Variants in PDGFC observed in about 807,000 individuals in gnomAD.
PDGFC encodes the protein platelet-derived growth factor C.
Under a neutral mutation model 35.5 loss-of-function variants are expected in PDGFC, and 12 were observed. The ratio of observed to expected loss-of-function variants is 0.34; its 90% CI spans 0.22 to 0.55. PDGFC has a LOEUF of 0.55. Among genes scored for constraint, PDGFC ranks in the 20% least tolerant of loss-of-function variants. The pLI is 0.91. For synonymous variants in PDGFC, 159 were observed against 148.8 expected, an observed-to-expected ratio of 1.07 and a Z score of -0.50; for missense variants, 322 against 412.4, an observed-to-expected ratio of 0.78 and a Z score of 1.90.
chr4:156,826,359 C>T (rs529709073), intron 2 of PDGFC, among the ~76,000 whole-genome samples: 3 of 151,550 alleles, frequency 2.0e-5, no homozygotes, highest in East Asian at 3.9e-4. Context: ...CCTGCCACCT[C>T]GCCCAACTAA....
At chr4:156,914,168 T>C (rs1268394217) in intron 1 of PDGFC, among the ~76,000 whole-genome samples, 1 of 152,156 alleles carries the variant, frequency 6.6e-6, no homozygotes, top group African/African-American at 2.4e-5. Context: ...CCTAAGTGAA[T>C]ACTCCAGGAA....
intron 3 of PDGFC, among the ~76,000 whole-genome samples, chr4:156,775,588 T>C (rs1243201084): frequency 6.6e-6 from 1 of 152,178 alleles, no homozygotes; most frequent in Non-Finnish European, 1.5e-5. Flanking sequence ...TTTGAAGCAA[T>C]ACAAAGTTCT....
At chr4:156,871,638 G>A (rs549685649) in intron 1 of PDGFC, among the ~76,000 whole-genome samples, 19 of 151,822 alleles carry the variant, frequency 1.3e-4, no homozygotes, top group East Asian at 9.6e-4. Context: ...CAAATTAGTC[G>A]AGACACACCT....
At chr4:156,869,305 G>A (rs1008411046) in intron 1 of PDGFC, among the ~76,000 whole-genome samples, 5 of 151,766 alleles carry the variant, frequency 3.3e-5, no homozygotes, top group African/African-American at 7.3e-5. Context: ...GCATGGTGGC[G>A]GGTGCCTGTA....
At chr4:156,785,912 C>T (rs1290722741) in intron 3 of PDGFC, among the ~76,000 whole-genome samples, 3 of 152,114 alleles carry the variant, frequency 2.0e-5, no homozygotes, top group Non-Finnish European at 4.4e-5. Context: ...ACATTCTTTT[C>T]TTTGCCTTGT....
At chr4:156,903,533 G>A (rs1018578339) in intron 1 of PDGFC, among the ~76,000 whole-genome samples, 3 of 151,898 alleles carry the variant, frequency 2.0e-5, no homozygotes, top group Non-Finnish European at 4.4e-5. Flanking sequence ...AAATTAGAAA[G>A]AATGATTTAA....
intron 1 of PDGFC, among the ~76,000 whole-genome samples, chr4:156,856,509 A>G (rs1729587499): frequency 6.6e-6 from 1 of 152,134 alleles, no homozygotes; most frequent in South Asian, 2.1e-4. Flanking sequence ...GGAAGGCAAT[A>G]GCTGATTCCT....
rs570076001 is a variant in PDGFC, at chr4:156,803,219, C to A, written c.495+7618G>T. 6.6e-5 allele frequency among the ~76,000 whole-genome samples: 10 copies of A among 152,108 alleles called. No homozygotes were observed. The South Asian group carries it at 2.1e-3, about 32-fold the overall frequency. ...TGAGTGTACTGAGAGGAGATTTACA[C>A]AATCTGAGGAACAGTTTCAGGATGA... On this transcript the variant is annotated intron_variant, in intron 3 of 5. Transcript: ENST00000502773.
intron 1 of PDGFC, among the ~76,000 whole-genome samples, chr4:156,958,336 G>C (rs1579125995): frequency 1.3e-5 from 2 of 149,468 alleles, no homozygotes; most frequent in African/African-American, 4.9e-5. Flanking sequence ...AAAAAAAAAA[G>C]GAACTAGCAA....
chr4:156,888,592 T>C (rs1253581855), intron 1 of PDGFC, among the ~76,000 whole-genome samples: 3 of 152,210 alleles, frequency 2.0e-5, no homozygotes, highest in Non-Finnish European at 4.4e-5. Flanking sequence ...CAACTAACTG[T>C]GTTACTGGTT....
At chr4:156,884,429 T>C (rs1250948759) in intron 1 of PDGFC, among the ~76,000 whole-genome samples, 2 of 152,320 alleles carry the variant, frequency 1.3e-5, no homozygotes, top group East Asian at 1.9e-4. Context: ...GAACCTAGCA[T>C]GGAAGACAGC....
intron 3 of PDGFC, among the ~76,000 whole-genome samples, chr4:156,774,875 T>C (rs1730786323): frequency 6.6e-6 from 1 of 152,130 alleles, no homozygotes; most frequent in African/African-American, 2.4e-5. Context: ...TATGACATGA[T>C]GTTACAGAAT....
chr4:156,824,242 G>A (rs1182030681), intron 2 of PDGFC, among the ~76,000 whole-genome samples: 2 of 147,294 alleles, frequency 1.4e-5, no homozygotes, highest in African/African-American at 5.0e-5. Context: ...TCTTATCTGT[G>A]GGAGTAACTG....
rs562465254 is a variant in PDGFC, at chr4:156,917,888, T to C, written c.118+52898A>G. Reference sequence around the variant, plus strand: ...AAGTAGGTTCATACTCTAAACCACTTATCTGTTTCAACATTCAGGAGACAT... The same window carrying C: ...AAGTAGGTTCATACTCTAAACCACTCATCTGTTTCAACATTCAGGAGACAT... On this transcript the variant is annotated intron_variant, in intron 1 of 5. Transcript: ENST00000502773. 5.8e-4 allele frequency among the ~76,000 whole-genome samples: 88 copies of C among 152,326 alleles called. 2 individuals are homozygous for C. The highest frequency in any genetic ancestry group is 1.8e-3 in the African/African-American group (73 of 41,590).
intron 2 of PDGFC, among the ~76,000 whole-genome samples, chr4:156,844,931 A>T (rs540523836): frequency 6.6e-6 from 1 of 152,130 alleles, no homozygotes; most frequent in Non-Finnish European, 1.5e-5. Context: ...ACAACTGCAA[A>T]AATTGATGTA....
At chr4:156,826,960 TC>T in intron 2 of PDGFC, among the ~76,000 whole-genome samples, 1 of 152,282 alleles carries the variant, frequency 6.6e-6, no homozygotes, top group East Asian at 1.9e-4. Flanking sequence ...CAGGTACAGT[TC>T]CCAAATATGA....
At chr4:156,901,025 A>G (rs1411570348) in intron 1 of PDGFC, among the ~76,000 whole-genome samples, 2 of 152,048 alleles carry the variant, frequency 1.3e-5, no homozygotes, top group African/African-American at 4.8e-5. Flanking sequence ...CAAAAGATGA[A>G]ACTGAAAAGT....
chr4:156,843,682 G>C (rs1205518903), intron 2 of PDGFC, among the ~76,000 whole-genome samples: 1 of 152,118 alleles, frequency 6.6e-6, no homozygotes, highest in Non-Finnish European at 1.5e-5. Flanking sequence ...GACTGAAATT[G>C]TGAATTACAG....
intron 3 of PDGFC, among the ~76,000 whole-genome samples, chr4:156,810,064 G>A (rs1731889348): frequency 1.3e-5 from 2 of 151,728 alleles, no homozygotes; most frequent in Admixed American, 1.3e-4. Flanking sequence ...TACTGTAAAA[G>A]TATACTAAAC....
Sources: gnomAD v4.1 joint callset for allele counts (sites outside exome capture counted in the v4.1 genomes callset) on GRCh38, gnomAD v4.1.1 for gene constraint, MANE v1.5 for transcripts, NCBI Gene and HGNC (gene_info 2026-07-23, HGNC 2026-07-21) for gene names.